Variants in ACBD6 observed in about 807,000 individuals in gnomAD.
ACBD6 encodes acyl-CoA binding domain containing 6, also known as acyl-CoA-binding domain-containing protein 6.
In ACBD6, 28 loss-of-function variants were observed where a neutral mutation model predicts 37.2. The ratio of observed to expected loss-of-function variants is 0.75; its 90% CI spans 0.56 to 1.03. ACBD6 has a LOEUF of 1.03. Ranked by LOEUF, ACBD6 falls within the 50% of genes least tolerant of loss-of-function variation. The pLI is 0.00. For synonymous variants in ACBD6, 113 were observed against 126.8 expected (o/e 0.89, Z 0.73); for missense variants, 340 against 337.4 (o/e 1.01, Z -0.06).
At chr1:180,301,780 C>G (rs1650139887) in intron 7 of ACBD6, among the ~76,000 whole-genome samples, 1 of 152,102 alleles carries the variant, frequency 6.6e-6, no homozygotes, top group South Asian at 2.1e-4. Context: ...ACTGGAGGGA[C>G]AAACTGCTCA....
intron 3 of ACBD6, among the ~76,000 whole-genome samples, chr1:180,454,922 G>A (rs1649856711): frequency 6.6e-6 from 1 of 152,152 alleles, no homozygotes; most frequent in Non-Finnish European, 1.5e-5. Context: ...ACTGTTGGTG[G>A]GACTGTAAAC....
chr1:180,271,009 C>A (rs918298198), exon 14 of ACBD6: 4 of 330,666 alleles, frequency 1.2e-5, no homozygotes, highest in African/African-American at 8.6e-5. Flanking sequence ...TGGCTGTTCA[C>A]CTTCACAGCT....
chr1:180,287,915 A>G (rs1241505990), downstream of ACBD6, among the ~76,000 whole-genome samples: 1 of 152,190 alleles, frequency 6.6e-6, no homozygotes, highest in African/African-American at 2.4e-5. Context: ...CTGCCAAAAG[A>G]ATAGACATCT....
chr1:180,389,943 T>G (rs1336634600), intron 6 of ACBD6, among the ~76,000 whole-genome samples: 8 of 152,062 alleles, frequency 5.3e-5, no homozygotes, highest in African/African-American at 1.4e-4. Context: ...TTTCTCCCAT[T>G]TTGTAGGTTG....
intron 3 of ACBD6, among the ~76,000 whole-genome samples, chr1:180,477,490 G>A (rs1441640337): frequency 6.6e-6 from 1 of 152,042 alleles, no homozygotes; most frequent in Non-Finnish European, 1.5e-5. Context: ...CCTCTATATG[G>A]AGGTTAATAA....
chr1:180,319,147 CTTTTCT>C (rs976052154), intron 6 of ACBD6, among the ~76,000 whole-genome samples: 36 of 152,152 alleles, frequency 2.4e-4, no homozygotes, highest in African/African-American at 8.7e-4. Context: ...AGGTGCTCCT[CTTTTCT>C]ACTACTGTGG....
intron 3 of ACBD6, among the ~76,000 whole-genome samples, chr1:180,453,464 G>A (rs565499572): frequency 5.9e-5 from 9 of 152,312 alleles, no homozygotes; most frequent in Admixed American, 4.6e-4. Flanking sequence ...AAAGCTAGAA[G>A]CATTCCCTTT....
At chr1:180,314,276 A>C (rs1650704581) in intron 7 of ACBD6, among the ~76,000 whole-genome samples, 1 of 152,130 alleles carries the variant, frequency 6.6e-6, no homozygotes, top group Non-Finnish European at 1.5e-5. Context: ...ATGGAGTCTC[A>C]CTATGTCACC....
intron 3 of ACBD6, among the ~76,000 whole-genome samples, chr1:180,476,548 G>A (rs543851570): frequency 3.9e-5 from 6 of 152,210 alleles, no homozygotes; most frequent in South Asian, 4.2e-4. Flanking sequence ...AAACTCAGCC[G>A]GGCACAGTGG....
chr1:180,411,949 C>A (rs375305072), intron 5 of ACBD6, among the ~76,000 whole-genome samples: 15 of 152,168 alleles, frequency 9.9e-5, no homozygotes, highest in African/African-American at 3.4e-4. Context: ...GGATTACAGG[C>A]GTGAGCCACC....
In ACBD6 at chr1:180,321,458, A is replaced by T. The variant is rs1651065804; in HGVS notation, c.664-6736T>A. The stretch of plus-strand genomic sequence containing the variant: ...CTTTCCACCTTTGTGTGTTCCCTTC[A>T]ATTTCTTGCATCAATGTTTTGTAGT... On this transcript the variant is annotated intron_variant, in intron 6 of 7. Coordinates refer to ENST00000367595, the MANE Select transcript of ACBD6 (RefSeq NM_032360.4). Among the ~76,000 whole-genome samples the T allele has an allele frequency of 2.0e-5, 3 of 152,208 alleles. No individual in the cohort carries two copies. The South Asian group carries it at 6.2e-4, about 32-fold the overall frequency.
rs1414595640 is a variant in ACBD6 at position 180,502,326 on chromosome 1, G to A, written c.-60C>T. 6.9e-6 allele frequency: 11 copies of A among 1,584,748 alleles called. 2 individuals carry two copies. Among genetic ancestry groups the A allele is most frequent in the Middle Eastern group, 4.5e-4 (2 of 4,426 alleles). ...CTGTCCTCCTTGGATTGGGTGTAAGGCCGGCTTGGAGGCCTGGCCCACCAG... is the reference window on the plus strand; with the variant it reads ...CTGTCCTCCTTGGATTGGGTGTAAGACCGGCTTGGAGGCCTGGCCCACCAG... On this transcript the variant is annotated 5_prime_UTR_variant, in exon 1 of 8. Coordinates refer to ENST00000367595, the MANE Select transcript of ACBD6 (RefSeq NM_032360.4).
intron 6 of ACBD6, among the ~76,000 whole-genome samples, chr1:180,382,010 G>T (rs1653672237): frequency 6.6e-6 from 1 of 151,308 alleles, no homozygotes; most frequent in South Asian, 2.1e-4. Context: ...CAGGGAGGCT[G>T]AGGCTGAGGC....
chr1:180,342,854 C>T (rs1422155794), intron 6 of ACBD6, among the ~76,000 whole-genome samples: 1 of 151,942 alleles, frequency 6.6e-6, no homozygotes, highest in Non-Finnish European at 1.5e-5. Context: ...TAAGTGAAAG[C>T]TTTTACTCAT....
rs1413321890 is a variant in ACBD6 at position 180,307,923 on chromosome 1, C to G, written c.694+6769G>C. On this transcript the variant is annotated intron_variant, in intron 7 of 7. Transcript: ENST00000367595. ...TGAGTTGAGATCACACCACTGCACT[C>G]CAGCCTGGGTGACAGAGCGAGACTC... Among the ~76,000 whole-genome samples, 4 of 152,092 alleles carry G rather than the reference C, an allele frequency of 2.6e-5. No individual in the cohort carries two copies. The East Asian group carries it at 7.7e-4, about 29-fold the overall frequency.
At chr1:180,384,819 A>G (rs1653790034) in intron 6 of ACBD6, among the ~76,000 whole-genome samples, 1 of 152,244 alleles carries the variant, frequency 6.6e-6, no homozygotes, top group African/African-American at 2.4e-5. Context: ...CTAGTCAGCT[A>G]TGAAGAAGAA....
chr1:180,323,402 A>G (rs891620566), intron 6 of ACBD6, among the ~76,000 whole-genome samples: 2 of 152,100 alleles, frequency 1.3e-5, no homozygotes, highest in African/African-American at 2.4e-5. Flanking sequence ...AATGTTCTGT[A>G]AATATCTGTT....
At chr1:180,290,892 G>A (rs1054723042) in intron 7 of ACBD6, among the ~76,000 whole-genome samples, 3 of 152,324 alleles carry the variant, frequency 2.0e-5, no homozygotes, top group African/African-American at 7.2e-5. Context: ...TAAGAAGTCT[G>A]AGTTTTGTCA....
rs1276639539 is a variant in ACBD6 at position 180,502,539 on chromosome 1, C to A, written c.-273G>T. On this transcript the variant is annotated 5_prime_UTR_variant, in exon 1 of 8. Coordinates refer to ENST00000367595, the MANE Select transcript of ACBD6 (RefSeq NM_032360.4). ...CCGGCCAACAGCGCGCTCAGGCTCG[C>A]CTCAGGCCCCTCCAACGGAACAGGA... The A allele has an allele frequency of 2.0e-6, 1 of 494,474 alleles. No homozygotes were observed. Among genetic ancestry groups the A allele is most frequent in the African/African-American group, 1.9e-5 (1 of 51,282 alleles). The allele number at this position is 494,474 out of a possible 1,614,324, so 30.6% of individuals were successfully genotyped here. A position where few individuals can be genotyped will look rare whatever the true frequency, so the allele number is the denominator to read the frequency against.
Sources: allele counts gnomAD v4.1 joint callset (sites outside exome capture counted in the v4.1 genomes callset), GRCh38; gene constraint gnomAD v4.1.1; transcripts MANE v1.5; gene names NCBI Gene and HGNC (gene_info 2026-07-23, HGNC 2026-07-21).